The following FCHO2 variants were observed in gnomAD, a reference collection of about 807,000 sequenced individuals.
The protein encoded by FCHO2 is F-BAR domain only protein 2.
Under a neutral mutation model 114.1 loss-of-function variants are expected in FCHO2, and 43 were observed. The observed-to-expected ratio is 0.38, with a 90% CI of 0.30 to 0.49. FCHO2 has a LOEUF of 0.49. FCHO2 is among the 20% of genes least tolerant of loss of function. The pLI is 0.97. For synonymous variants in FCHO2, 293 were observed against 315.2 expected (o/e 0.93, Z 0.75); for missense variants, 807 against 950.4 (o/e 0.85, Z 1.98).
At chr5:73,040,301 T>G (rs1756743711) in intron 10 of FCHO2, among the ~76,000 whole-genome samples, 1 of 152,198 alleles carries the variant, frequency 6.6e-6, no homozygotes, top group African/African-American at 2.4e-5. Flanking sequence ...AAAGCCAGAA[T>G]GTTCCAATGA....
At chr5:73,048,332 C>T (rs769173960) in intron 11 of FCHO2, among the ~76,000 whole-genome samples, 1 of 151,886 alleles carries the variant, frequency 6.6e-6, no homozygotes, top group East Asian at 1.9e-4. Flanking sequence ...CGCCTGTAAT[C>T]CCAGCTGTTA....
chr5:73,084,411 A>G (rs258890), intron 24 of FCHO2, among the ~76,000 whole-genome samples: 118,808 of 151,908 alleles, frequency 0.78, 47,375 homozygotes, highest in Non-Finnish European at 0.86. Flanking sequence ...GATTACAGGC[A>G]CCTACCACCA....
intron 18 of FCHO2, among the ~76,000 whole-genome samples, chr5:73,065,857 C>T (rs184998987): frequency 3.0e-4 from 46 of 151,890 alleles, no homozygotes; most frequent in Non-Finnish European, 5.3e-4. Flanking sequence ...GAATATTGTA[C>T]CCAACAGGTA....
intron 22 of FCHO2, among the ~76,000 whole-genome samples, chr5:73,080,410 T>C (rs1226405516): frequency 6.6e-6 from 1 of 152,220 alleles, no homozygotes; most frequent in East Asian, 1.9e-4. Flanking sequence ...CTTCCAGAAA[T>C]CATCAGAAAT....
At chr5:72,991,966 A>G (rs372110342) in intron 5 of FCHO2, among the ~76,000 whole-genome samples, 1 of 152,216 alleles carries the variant, frequency 6.6e-6, no homozygotes, top group East Asian at 1.9e-4. Flanking sequence ...TGAATAACCA[A>G]ATCAACTCAG....
chr5:73,033,176 A>C (rs1052473828), intron 8 of FCHO2, among the ~76,000 whole-genome samples: 7 of 151,540 alleles, frequency 4.6e-5, no homozygotes, highest in African/African-American at 1.7e-4. Context: ...TCATTTTCTG[A>C]CTCTTTAAGG....
chr5:73,037,687 A>T (rs1476770091), intron 10 of FCHO2: 4 of 329,954 alleles, frequency 1.2e-5, no homozygotes, highest in Non-Finnish European at 2.3e-5. Context: ...AAAAGCCCTA[A>T]CATTTTACCA....
intron 19 of FCHO2, among the ~76,000 whole-genome samples, chr5:73,073,547 G>A (rs1742764278): frequency 6.6e-6 from 1 of 152,016 alleles, no homozygotes; most frequent in Non-Finnish European, 1.5e-5. Context: ...AGTAGCTGTT[G>A]TGATTTCATG....
At chr5:72,975,882 A>G (rs557461212) in intron 2 of FCHO2, among the ~76,000 whole-genome samples, 1 of 152,306 alleles carries the variant, frequency 6.6e-6, no homozygotes, top group African/African-American at 2.4e-5. Flanking sequence ...TTACTCAGGG[A>G]CATCTTGGTT....
In FCHO2 at chr5:73,036,340, CTTTTTTGT is replaced by C. The variant is rs907733905; in HGVS notation, c.842-788_842-781del. 3.9e-5 allele frequency among the ~76,000 whole-genome samples: 6 copies of C among 151,982 alleles called. No individual in the cohort carries two copies. The South Asian group carries it at 6.3e-4, about 16-fold the overall frequency. ...AGAATGCCATATTGTAAACTTACTT[CTTTTTTGT>C]TTTTTTGTTTTTTTCTGTTTCTGTT... is the stretch of plus-strand genomic sequence containing the variant. On this transcript the variant is annotated intron_variant, in intron 9 of 25. Coordinates refer to ENST00000430046, the MANE Select transcript of FCHO2 (RefSeq NM_138782.3).
At chr5:72,991,190 A>G (rs1293152380) in intron 5 of FCHO2, among the ~76,000 whole-genome samples, 3 of 152,096 alleles carry the variant, frequency 2.0e-5, no homozygotes, top group Non-Finnish European at 2.9e-5. Context: ...TCAGCCTCCC[A>G]AATAGCTGGG....
Position 72,999,242 on chromosome 5 carries a change from G to A in FCHO2, c.496-7203G>A, listed in dbSNP as rs1159203868. 2.6e-5 allele frequency among the ~76,000 whole-genome samples: 4 copies of A among 151,812 alleles called. No homozygotes were observed. In the East Asian group the frequency reaches 5.8e-4, roughly 22 times the overall value. On this transcript the variant is annotated intron_variant, in intron 5 of 25. Coordinates refer to ENST00000430046, the MANE Select transcript of FCHO2 (RefSeq NM_138782.3). ...TCCAAGTCAGTTATTTTGGCCTATC[G>A]TAAGGTTTTTATTAACAAGAATGTA...
intron 5 of FCHO2, among the ~76,000 whole-genome samples, chr5:73,001,074 A>G (rs1379460441): frequency 1.3e-5 from 2 of 152,094 alleles, no homozygotes; most frequent in African/African-American, 4.8e-5. Context: ...GCTGTTTCTT[A>G]TGAAAGATGT....
intron 8 of FCHO2, among the ~76,000 whole-genome samples, chr5:73,025,678 C>T (rs983866814): frequency 3.9e-5 from 6 of 152,098 alleles, no homozygotes; most frequent in Non-Finnish European, 8.8e-5. Context: ...TGTGCCTGGC[C>T]TCTTTTGTAT....
At chr5:73,033,053 G>A (rs1300594151) in intron 8 of FCHO2, among the ~76,000 whole-genome samples, 1 of 151,960 alleles carries the variant, frequency 6.6e-6, no homozygotes, top group African/African-American at 2.4e-5. Context: ...AAATTGTTAC[G>A]ATAGGCCTCT....
chr5:72,994,014 A>C (rs1181166125), intron 5 of FCHO2, among the ~76,000 whole-genome samples: 1 of 152,172 alleles, frequency 6.6e-6, no homozygotes, highest in Non-Finnish European at 1.5e-5. Context: ...TAAATGTAAA[A>C]CCCAAAACTA....
chr5:73,056,948 T>G (rs957595206), intron 16 of FCHO2, among the ~76,000 whole-genome samples: 18 of 152,082 alleles, frequency 1.2e-4, no homozygotes, highest in African/African-American at 4.3e-4. Flanking sequence ...ATACTCTCTT[T>G]GAGTTAATGG....
chr5:73,007,609 G>A (rs1286633952), intron 6 of FCHO2, among the ~76,000 whole-genome samples: 2 of 152,136 alleles, frequency 1.3e-5, no homozygotes, highest in East Asian at 1.9e-4. Context: ...CTTAGAAAGC[G>A]AAGTCTTGCA....
intron 8 of FCHO2, among the ~76,000 whole-genome samples, chr5:73,027,735 G>A (rs919151651): frequency 1.3e-5 from 2 of 152,084 alleles, no homozygotes; most frequent in Non-Finnish European, 2.9e-5. Flanking sequence ...TTGTATACAT[G>A]TTAATACAAA....
Sources: allele counts gnomAD v4.1 joint callset (sites outside exome capture counted in the v4.1 genomes callset), GRCh38; gene constraint gnomAD v4.1.1; transcripts MANE v1.5; gene names NCBI Gene and HGNC (gene_info 2026-07-23, HGNC 2026-07-21).